Variants in MYO7B observed in about 807,000 individuals in gnomAD.
The protein encoded by MYO7B is unconventional myosin-VIIb.
Under a neutral mutation model 259.7 loss-of-function variants are expected in MYO7B, and 212 were observed. That is an observed-to-expected ratio of 0.82 (90% CI 0.73 to 0.91). The LOEUF is 0.91. Ranked by LOEUF, MYO7B falls within the 40% of genes least tolerant of loss-of-function variation. The pLI is 0.00. For synonymous variants in MYO7B, 1,197 were observed against 1,166.4 expected, an observed-to-expected ratio of 1.03 and a Z score of -0.54; for missense variants, 2,732 against 2,813.5, an observed-to-expected ratio of 0.97 and a Z score of 0.66.
chr2:127,599,626 C>T (rs1679888535), intron 19 of MYO7B, among the ~76,000 whole-genome samples: 1 of 152,170 alleles, frequency 6.6e-6, no homozygotes, highest in Non-Finnish European at 1.5e-5. Context: ...CAGACTTTAA[C>T]CATTGAATAT....
At chr2:127,606,636 G>A (rs910266469) in intron 20 of MYO7B, among the ~76,000 whole-genome samples, 3 of 152,248 alleles carry the variant, frequency 2.0e-5, no homozygotes, top group Non-Finnish European at 4.4e-5. Context: ...CAGAGTTGGG[G>A]TTTAGATGAG....
At chr2:127,567,918 G>A (rs968587795) in intron 5 of MYO7B, among the ~76,000 whole-genome samples, 8 of 152,126 alleles carry the variant, frequency 5.3e-5, no homozygotes, top group Non-Finnish European at 1.2e-4. Flanking sequence ...CATTAGATAG[G>A]GGGCAGGCCA....
chr2:127,633,292 G>A lies in MYO7B; in HGVS notation c.5440G>A (p.Glu1814Lys). Residue 1814 changes from glutamate to lysine, a missense_variant, in exon 40 of 48, where the codon GAG (glutamate) becomes AAG (lysine). Transcript: ENST00000409816. ...CCGGAAGCAGCCCCCGCACCAGGTG[G>A]AGGTGGAGGCCGCAGAGCAGAACGT... ...GPRKQPPHQV[E>K]VEAAEQNVSR... 1 of 1,612,606 alleles carries A rather than the reference G, an allele frequency of 6.2e-7. No homozygotes were observed. Among genetic ancestry groups the A allele is most frequent in the Non-Finnish European group, 8.5e-7 (1 of 1,179,748 alleles).
chr2:127,625,977 C>G (rs892238973), intron 31 of MYO7B: 1 of 161,748 alleles, frequency 6.2e-6, no homozygotes, highest in Non-Finnish European at 1.3e-5. Flanking sequence ...CGATACATAT[C>G]GAATATTTTC....
At chr2:127,623,786 C>T (rs553303173) in intron 29 of MYO7B, among the ~76,000 whole-genome samples, 127 of 152,296 alleles carry the variant, frequency 8.3e-4, no homozygotes, top group Non-Finnish European at 1.1e-3. Context: ...CCCAATTCCA[C>T]GCCCACACCC....
At position 127,627,274 on chromosome 2, in the gene MYO7B, T is replaced by C; in HGVS notation, c.4424T>C (p.Leu1475Pro). 1 of 1,612,794 alleles carries C rather than the reference T, an allele frequency of 6.2e-7. No homozygotes were observed. The highest frequency in any genetic ancestry group is 8.5e-7 in the Non-Finnish European group (1 of 1,179,616). Residue 1475 changes from leucine (L) to proline (P), a missense_variant, in exon 33 of 48, where the codon CTC becomes CCC. Leu to Pro is a moderately conservative substitution (Grantham distance 98). Transcript: ENST00000409816. The surrounding 1 kb of genome is among the most constrained non-coding windows in gnomAD (Gnocchi z 5.6). ...CAGCAGGAGAAGATGCTGCTGGAAC[T>C]CTCTTTCCCAGAGGTCATGGGTCTG... ...LDQQEKMLLE[L>P]SFPEVMGLAT...
At chr2:127,563,295 C>A (rs901277191) in intron 2 of MYO7B, among the ~76,000 whole-genome samples, 1 of 152,200 alleles carries the variant, frequency 6.6e-6, no homozygotes. Context: ...CAGAACTGTG[C>A]TGGTTCCTTT....
chr2:127,544,706 G>A (rs910117207), intron 1 of MYO7B, among the ~76,000 whole-genome samples: 21 of 150,196 alleles, frequency 1.4e-4, no homozygotes, highest in Middle Eastern at 3.3e-3. Context: ...TCAGCCTCCC[G>A]AGTAGCTGGG....
In MYO7B at chr2:127,541,928, C is replaced by G. The variant is rs542887108; in HGVS notation, c.-24+6097C>G. On this transcript the variant is annotated intron_variant, in intron 1 of 47. Coordinates refer to ENST00000409816, the MANE Select transcript of MYO7B (RefSeq NM_001393586.1). ...TGCCTCCTAAGGAAGCTGGATTTCT[C>G]TAGCCAAATTGTGTCATGTTGTCGG... 4.5e-4 allele frequency among the ~76,000 whole-genome samples: 68 copies of G among 152,346 alleles called. No individual in the cohort carries two copies. In the Middle Eastern group the frequency reaches 0.01, roughly 23 times the overall value.
At position 127,627,986 on chromosome 2, in the gene MYO7B, C is replaced by T. The variant is rs1345575566; in HGVS notation, c.4461-386C>T. 8.5e-6 allele frequency: 4 copies of T among 473,094 alleles called. No individual in the cohort carries two copies. The highest frequency in any genetic ancestry group is 5.9e-5 in the African/African-American group (3 of 50,754). 29.3% of individuals were successfully genotyped at this position (473,094 alleles called of 1,614,324 possible). On this transcript the variant is annotated intron_variant, in intron 33 of 47. Transcript: ENST00000409816. This position sits in a 1 kb window ranked among gnomAD's most constrained non-coding sequence, Gnocchi z 5.6. ...GCCACGAAGTACCGACAGCATCACC[C>T]ATTCTGCAGATGAGCGGATGAGTAA...
In MYO7B at chr2:127,636,321, G is replaced by A; in HGVS notation, c.6120G>A (p.Val2040=). 1 of 1,612,936 alleles carries A rather than the reference G, an allele frequency of 6.2e-7. No homozygotes were observed. Among genetic ancestry groups the A allele is most frequent in the Non-Finnish European group, 8.5e-7 (1 of 1,179,554 alleles). Reference sequence around the variant, plus strand: ...CCTTCGGATCCGCCTTCTTCGAGGTGAAGGTAAACCTTGCCCCACGCCAGG... The same window carrying A: ...CCTTCGGATCCGCCTTCTTCGAGGTAAAGGTAAACCTTGCCCCACGCCAGG... The part of the protein sequence containing the change: ...WPTFGSAFFE[V]KQTSEPSYPD... Residue 2040 remains valine, a synonymous_variant, in exon 45 of 48, where the codon GTG becomes GTA. Transcript: ENST00000409816. This position sits in a 1 kb window ranked among gnomAD's most constrained non-coding sequence, Gnocchi z 4.5.
At position 127,539,511 on chromosome 2, in the gene MYO7B, G is replaced by A. The variant is rs979145650; in HGVS notation, c.-24+3680G>A. Among the ~76,000 whole-genome samples, 3 of 152,186 alleles carry A rather than the reference G, an allele frequency of 2.0e-5. No homozygotes were observed. In the South Asian group the frequency reaches 6.2e-4, roughly 32 times the overall value. Reference sequence around the variant, plus strand: ...GAGAAAACGACATTGGCTATAACAGGAAATTCAGGAGAGTTTTTAAAGAGC... The same window carrying A: ...GAGAAAACGACATTGGCTATAACAGAAAATTCAGGAGAGTTTTTAAAGAGC... On this transcript the variant is annotated intron_variant, in intron 1 of 47. Transcript: ENST00000409816. This position sits in a 1 kb window ranked among gnomAD's most constrained non-coding sequence, Gnocchi z 4.0.
chr2:127,572,529 TC>T (rs1678688111), intron 6 of MYO7B, among the ~76,000 whole-genome samples: 1 of 150,910 alleles, frequency 6.6e-6, no homozygotes, highest in African/African-American at 2.4e-5. Flanking sequence ...TTCCTTCCTT[TC>T]TTTTTCTCCT....
At chr2:127,598,881 G>T (rs574220532) in intron 19 of MYO7B, among the ~76,000 whole-genome samples, 116 of 152,192 alleles carry the variant, frequency 7.6e-4, no homozygotes, top group Non-Finnish European at 1.4e-3. Context: ...AAAACCTAGC[G>T]GTGTGGGTCT....
rs941485392 is a variant in MYO7B at position 127,608,647 on chromosome 2, A to C, written c.2644-61A>C. On this transcript the variant is annotated intron_variant, in intron 21 of 47. Coordinates refer to ENST00000409816, the MANE Select transcript of MYO7B (RefSeq NM_001393586.1). ...GAGGTGCTTGCCCTGTGGGGTAGGC[A>C]GGGCTGGGCCCCCTGAGCCCTGCTG... The C allele has an allele frequency of 4.5e-6, 7 of 1,540,682 alleles. No individual in the cohort carries two copies. In the African/African-American group the frequency reaches 8.2e-5, roughly 18 times the overall value.
At chr2:127,591,536 A>C (rs995222530) in intron 16 of MYO7B, among the ~76,000 whole-genome samples, 1 of 152,228 alleles carries the variant, frequency 6.6e-6, no homozygotes, top group Non-Finnish European at 1.5e-5. Flanking sequence ...CCAGGTAGGA[A>C]TGTTGTAAAG....
In MYO7B at chr2:127,578,217, G is replaced by C. The variant is rs902318351; in HGVS notation, c.934G>C (p.Asp312His). Reference protein sequence around the residue: ...RSAMKILQFSDSESWDVIKLL... With the variant: ...RSAMKILQFSHSESWDVIKLL... ...GGCCATGAAGATCCTCCAGTTCTCC[G>C]ACTCCGAGAGCTGGGACGTCATCAA... Residue 312 changes from aspartate (D) to histidine (H), a missense_variant, in exon 9 of 48, where the codon GAC (aspartate) becomes CAC (histidine). Physicochemically the swap from Asp to His is moderately conservative, Grantham distance 81. Around this residue, in one of 3 missense-constraint regions of MYO7B, gnomAD observed 1,906 missense variants for 2,026.4 expected, o/e 0.94. Coordinates refer to ENST00000409816, the MANE Select transcript of MYO7B (RefSeq NM_001393586.1). The C allele has an allele frequency of 3.1e-6, 5 of 1,613,682 alleles. No individual in the cohort carries two copies. The highest frequency in any genetic ancestry group is 1.7e-5 in the Admixed American group (1 of 59,980).
chr2:127,632,387 C>T lies in MYO7B; in HGVS notation c.5391C>T (p.Ile1797=). 6.4e-7 allele frequency: 1 copy of T among 1,571,960 alleles called. No individual in the cohort carries two copies. Among genetic ancestry groups the T allele is most frequent in the East Asian group, 2.3e-5 (1 of 44,358 alleles). The change falls in exon 39 of 48, where the codon ATC becomes ATT. Residue 1797 remains isoleucine (I), a synonymous_variant. Coordinates refer to ENST00000409816, the MANE Select transcript of MYO7B (RefSeq NM_001393586.1). The stretch of plus-strand genomic sequence containing the variant: ...TGGCCCCCGACTGCAGCCGCCGAAT[C>T]CAGAAGGTCCTGAGGTGAGCCCAGT... ...KLLAPDCSRR[I]QKVLRTGPRK... is the part of the protein sequence containing the mutation.
chr2:127,635,335 G>T, intron 43 of MYO7B, 109 bp downstream of exon 43: 1 of 1,060,572 alleles, frequency 9.4e-7, no homozygotes, highest in Non-Finnish European at 1.4e-6. Context: ...TCAGCCCTGG[G>T]TACCAGCCCA....
Sources: gnomAD v4.1 joint callset for allele counts (sites outside exome capture counted in the v4.1 genomes callset) on GRCh38, gnomAD v4.1.1 for gene constraint, gnomAD v4.1.1 regional missense constraint, Gnocchi (gnomAD v3.1) non-coding constraint, MANE v1.5 for transcripts, NCBI Gene and HGNC (gene_info 2026-07-23, HGNC 2026-07-21) for gene names.